The following ZNF605 variants were observed in gnomAD, a reference collection of about 807,000 sequenced individuals.
The protein encoded by ZNF605 is zinc finger protein 605.
Under a neutral mutation model 7.9 loss-of-function variants are expected in ZNF605, and 9 were observed. The ratio of observed to expected loss-of-function variants is 1.14; its 90% CI spans 0.68 to 1.98. ZNF605 has a LOEUF of 1.98. ZNF605 is among the 30% of genes most tolerant of loss of function. The pLI is 0.00. For missense variants in ZNF605, 673 were observed against 762.4 expected (o/e 0.88, Z 1.38); for synonymous variants, 255 against 260.1 (o/e 0.98, Z 0.19).
chr12:132,939,843 C>T (rs1353977073), intron 3 of ZNF605, among the ~76,000 whole-genome samples: 4 of 149,214 alleles, frequency 2.7e-5, no homozygotes, highest in African/African-American at 1.0e-4. Flanking sequence ...CAGCTTCACT[C>T]CTGAGCCAGC....
At chr12:132,938,894 C>G (rs1219889980) in intron 3 of ZNF605, among the ~76,000 whole-genome samples, 3 of 152,130 alleles carry the variant, frequency 2.0e-5, no homozygotes, top group African/African-American at 4.8e-5. Context: ...ACTTAGCACC[C>G]GGGCCAGTGG....
At position 132,927,015 on chromosome 12, in the gene ZNF605, C is replaced by G; in HGVS notation, c.284G>C (p.Cys95Ser). ...IVHVGLRSHKCGTGEKSLKCP... is the reference protein window; with the variant it reads ...IVHVGLRSHKSGTGEKSLKCP... ...TTTCAAACTTTTTTCTCCTGTGCCA[C>G]ATTTATGGGATCGCAGTCCTACATG... Residue 95 changes from cysteine (C) to serine (S), a missense_variant, in exon 5 of 5, where the codon TGT (cysteine) becomes TCT (serine). By Grantham distance (112) the Cys-to-Ser change is moderately radical. Coordinates refer to ENST00000360187, the MANE Select transcript of ZNF605 (RefSeq NM_183238.4). The G allele has an allele frequency of 1.2e-6, 2 of 1,611,138 alleles. No individual in the cohort carries two copies. Among genetic ancestry groups the G allele is most frequent in the South Asian group, 2.2e-5 (2 of 90,890 alleles).
chr12:132,928,312 A>G (rs1952268986), intron 4 of ZNF605, among the ~76,000 whole-genome samples: 1 of 152,204 alleles, frequency 6.6e-6, no homozygotes, highest in Admixed American at 6.5e-5. Context: ...TTTATAAAAT[A>G]TTCTTATTCG....
At chr12:132,929,334 A>T (rs1426720037) in intron 4 of ZNF605, among the ~76,000 whole-genome samples, 1 of 152,086 alleles carries the variant, frequency 6.6e-6, no homozygotes, top group Admixed American at 6.6e-5. Context: ...GTGTGAGATG[A>T]GAGTGAGCCC....
chr12:132,943,447 G>A (rs1952466226), intron 3 of ZNF605, among the ~76,000 whole-genome samples: 1 of 152,124 alleles, frequency 6.6e-6, no homozygotes. Flanking sequence ...GGCCTCAGGG[G>A]AAAACTGCCC....
rs1392713192 is a variant in ZNF605 at position 132,926,808 on chromosome 12, G to A, written c.491C>T (p.Thr164Ile). 22 of 1,614,026 alleles carry A rather than the reference G, an allele frequency of 1.4e-5. No individual in the cohort carries two copies. In the East Asian group the frequency reaches 4.7e-4, roughly 34 times the overall value. ...CATGCATAAATAGACTCCTGTGTGT[G>A]TTATGTGATTAGCAGTGAGCCATGG... is the stretch of plus-strand genomic sequence containing the variant. ...EEPWLTANHI[T>I]HTGVYLCMEC... The change falls in exon 5 of 5, where the codon ACA becomes ATA. Residue 164 changes from threonine (T) to isoleucine (I), a missense_variant. Thr to Ile is a moderately conservative substitution (Grantham distance 89, BLOSUM62 -1). Coordinates refer to ENST00000360187, the MANE Select transcript of ZNF605 (RefSeq NM_183238.4).
chr12:132,945,345 A>G (rs1252495199), intron 3 of ZNF605: 2 of 1,120,742 alleles, frequency 1.8e-6, no homozygotes, highest in Admixed American at 3.5e-5. Flanking sequence ...TCTTATTTAA[A>G]TGTATTTAGA....
At chr12:132,950,661 CACACACAGAT>C (rs1188983928) in intron 1 of ZNF605, among the ~76,000 whole-genome samples, 1 of 151,658 alleles carries the variant, frequency 6.6e-6, no homozygotes, top group Non-Finnish European at 1.5e-5. Context: ...CACTCACAGA[CACACACAGAT>C]ACACAGGTAC....
At position 132,923,147 on chromosome 12, in the gene ZNF605, C is replaced by T. The variant is rs1465319512; in HGVS notation, c.*2226G>A. On this transcript the variant is annotated 3_prime_UTR_variant, in exon 5 of 5. Coordinates refer to ENST00000360187, the MANE Select transcript of ZNF605 (RefSeq NM_183238.4). The stretch of plus-strand genomic sequence containing the variant: ...AAAATTCACACTTAAGTGTTATCGT[C>T]ATCACACTTTACTTCTAAATAAACT... 2 of 152,240 alleles carry T rather than the reference C, an allele frequency of 1.3e-5. No individual in the cohort carries two copies. The highest frequency in any genetic ancestry group is 2.9e-5 in the Non-Finnish European group (2 of 68,050). The allele number at this position is 152,240 out of a possible 1,614,324, so 9.4% of individuals were successfully genotyped here.
chr12:132,950,228 C>A (rs1952542816), intron 1 of ZNF605, among the ~76,000 whole-genome samples: 2 of 152,144 alleles, frequency 1.3e-5, no homozygotes, highest in African/African-American at 4.8e-5. Context: ...CCGGCTGCTT[C>A]TCCAGCAAAG....
At chr12:132,953,989 C>T (rs1409241886) in intron 1 of ZNF605, among the ~76,000 whole-genome samples, 1 of 152,030 alleles carries the variant, frequency 6.6e-6, no homozygotes, top group Non-Finnish European at 1.5e-5. Flanking sequence ...TCCTTCTCAC[C>T]TGGTTCCAAC....
At chr12:132,953,232 C>T (rs1952591366) in intron 1 of ZNF605, among the ~76,000 whole-genome samples, 1 of 152,194 alleles carries the variant, frequency 6.6e-6, no homozygotes, top group African/African-American at 2.4e-5. Flanking sequence ...TCACAGGCCA[C>T]CCAGTCTCTC....
chr12:132,952,125 G>A (rs1952579582), intron 1 of ZNF605, among the ~76,000 whole-genome samples: 1 of 152,014 alleles, frequency 6.6e-6, no homozygotes, highest in East Asian at 1.9e-4. Context: ...AAACAGCCAA[G>A]TAAATAAATG....
At chr12:132,939,551 G>T (rs917496632) in intron 3 of ZNF605, among the ~76,000 whole-genome samples, 31 of 152,168 alleles carry the variant, frequency 2.0e-4, no homozygotes, top group African/African-American at 7.5e-4. Context: ...TAACTAATCT[G>T]ATGGGGACGT....
At chr12:132,954,377 G>C in intron 1 of ZNF605, among the ~76,000 whole-genome samples, 1 of 96,794 alleles carries the variant, frequency 1.0e-5, no homozygotes, top group Admixed American at 1.1e-4. Context: ...GGGGAGAAGG[G>C]GCTTCAGTCA....
chr12:132,950,431 A>G (rs1056685559), intron 1 of ZNF605, among the ~76,000 whole-genome samples: 4 of 151,898 alleles, frequency 2.6e-5, no homozygotes, highest in South Asian at 2.1e-4. Context: ...ACAGACACGC[A>G]CATACGTGCA....
chr12:132,927,100 C>A lies in ZNF605; in HGVS notation c.199G>T (p.Glu67Ter). The A allele has an allele frequency of 6.3e-7, 1 of 1,596,750 alleles. No individual in the cohort carries two copies. The highest frequency in any genetic ancestry group is 2.2e-5 in the East Asian group (1 of 44,846). The change falls in exon 5 of 5, where the codon GAG (glutamate) becomes TAG (stop). Residue 67 changes from glutamate to a stop codon, truncating the protein, a stop_gained. Transcript: ENST00000360187. LOFTEE classifies it low-confidence loss of function (END_TRUNC). ...AAAACATCATATTTATGGCCTCTCT[C>A]CATACTTTTAAGGTTGTCTTGATTA... is the stretch of plus-strand genomic sequence containing the variant. ...RDNQDNLKSM[E>*]RGHKYDVFGK... is the part of the protein sequence containing the mutation.
At chr12:132,953,714 G>T (rs1035678687) in intron 1 of ZNF605, among the ~76,000 whole-genome samples, 2 of 151,648 alleles carry the variant, frequency 1.3e-5, no homozygotes, top group Non-Finnish European at 2.9e-5. Context: ...TGTGAGCCAC[G>T]GTGCCCAGCT....
chr12:132,943,610 T>C (rs1228258054), intron 3 of ZNF605, among the ~76,000 whole-genome samples: 2 of 152,108 alleles, frequency 1.3e-5, no homozygotes, highest in African/African-American at 2.4e-5. Context: ...GACCTCCTCG[T>C]TGGGGTGGGG....
Sources: allele counts gnomAD v4.1 joint callset (sites outside exome capture counted in the v4.1 genomes callset), GRCh38; gene constraint gnomAD v4.1.1; transcripts MANE v1.5; gene names NCBI Gene and HGNC (gene_info 2026-07-23, HGNC 2026-07-21).